SLC35B3: variants seen among roughly 807,000 people sequenced by gnomAD.
SLC35B3 encodes adenosine 3'-phospho 5'-phosphosulfate transporter 2.
SLC35B3 carries 35 observed loss-of-function variants against 44.1 expected under a neutral mutation model. The ratio of observed to expected loss-of-function variants is 0.79; its 90% confidence interval spans 0.61 to 1.05. The LOEUF (loss-of-function observed/expected upper bound fraction) is 1.05. Ranked by LOEUF, SLC35B3 falls within the 50% of genes least tolerant of loss-of-function variation. The probability of loss-of-function intolerance (pLI) is 0.00; values close to 1 mark genes in which losing one functional copy is unlikely to be tolerated. For synonymous variants in SLC35B3, 146 were observed against 167.3 expected (o/e 0.87, Z 0.98); for missense variants, 414 against 476.4 (o/e 0.87, Z 1.22).
At chr6:8,421,217 T>G (rs1034275) in intron 5 of SLC35B3, among the ~76,000 whole-genome samples, 81,574 of 151,786 alleles carry the variant, frequency 0.54, 24,139 homozygotes, top group African/African-American at 0.81. Flanking sequence ...AGTAACCAGA[T>G]TAATGAGTCT....
chr6:8,427,209 C>T (rs2113468252), intron 4 of SLC35B3, among the ~76,000 whole-genome samples: 1 of 152,254 alleles, frequency 6.6e-6, no homozygotes, highest in Middle Eastern at 3.4e-3. Context: ...AAGCTGGGTG[C>T]AGAAATTTGC....
rs570410910 is a variant in SLC35B3 at position 8,434,076 on chromosome 6, G to T, written c.3+309C>A. Among the ~76,000 whole-genome samples, 17 of 150,986 alleles carry T rather than the reference G, an allele frequency of 1.1e-4. No homozygotes were observed. Among genetic ancestry groups the T allele is most frequent in the African/African-American group, 3.6e-4 (15 of 41,124 alleles). Reference sequence around the variant, plus strand: ...TTAAAAATCACAGGTGTGTATAATTGCCTGAGGCCTCTTCCTAAATTCAAC... The same window carrying T: ...TTAAAAATCACAGGTGTGTATAATTTCCTGAGGCCTCTTCCTAAATTCAAC... On this transcript the variant is annotated intron_variant, in intron 2 of 10. Coordinates refer to ENST00000644923, the MANE Select transcript of SLC35B3 (RefSeq NM_001370476.2). The surrounding 1 kb of genome is among the most constrained non-coding windows in gnomAD (Gnocchi z 6.3).
In SLC35B3 at chr6:8,412,906, C is replaced by T. The variant is rs1200810685; in HGVS notation, c.*643G>A. On this transcript the variant is annotated 3_prime_UTR_variant, in exon 11 of 11. Transcript: ENST00000644923. Reference sequence around the variant, plus strand: ...TCACCTCTTGTTGCGTGGTCTGGTTCCTAACAGGCCACGGACTGGTACCAG... The same window carrying T: ...TCACCTCTTGTTGCGTGGTCTGGTTTCTAACAGGCCACGGACTGGTACCAG... Among the ~76,000 whole-genome samples, 5 of 152,134 alleles carry T rather than the reference C, an allele frequency of 3.3e-5. No homozygotes were observed. The East Asian group carries it at 9.6e-4, about 29-fold the overall frequency.
At position 8,429,898 on chromosome 6, in the gene SLC35B3, A is replaced by C; in HGVS notation, c.263T>G (p.Val88Gly). 1 of 1,602,966 alleles carries C rather than the reference A, an allele frequency of 6.2e-7. No individual in the cohort carries two copies. The highest frequency in any genetic ancestry group is 8.5e-7 in the Non-Finnish European group (1 of 1,173,726). ...CCCATAAATTAGGTAAAATACAAAAACTCCAGCAACACATATGAAAAACTG... is the reference window on the plus strand; with the variant it reads ...CCCATAAATTAGGTAAAATACAAAACCTCCAGCAACACATATGAAAAACTG... Residue 88 changes from valine to glycine, a missense_variant, in exon 3 of 11, where the codon GTT (valine) becomes GGT (glycine). By Grantham distance (109) the Val-to-Gly change is moderately radical. Transcript: ENST00000644923.
At chr6:8,413,759 C>G in intron 10 of SLC35B3, 60 bp from the exon 10 acceptor site, 8 of 1,122,946 alleles carry the variant, frequency 7.1e-6, no homozygotes, top group Non-Finnish European at 9.9e-6. Context: ...TTACTATTAA[C>G]CACAGAATTT....
At chr6:8,426,797 G>C (rs1024825403) in intron 4 of SLC35B3, among the ~76,000 whole-genome samples, 8 of 152,130 alleles carry the variant, frequency 5.3e-5, no homozygotes, top group Non-Finnish European at 1.2e-4. Flanking sequence ...AGTTTGGAGG[G>C]CTCAGAAGAA....
intron 3 of SLC35B3, among the ~76,000 whole-genome samples, chr6:8,428,564 GT>G (rs1342515190): frequency 2.0e-5 from 3 of 152,056 alleles, no homozygotes; most frequent in African/African-American, 7.2e-5. Context: ...AATCAAAGTG[GT>G]TAAGTTATAA....
At chr6:8,430,866 C>T (rs1355329621) in intron 2 of SLC35B3, among the ~76,000 whole-genome samples, 1 of 151,990 alleles carries the variant, frequency 6.6e-6, no homozygotes, top group African/African-American at 2.4e-5. Context: ...CCCCTGCACT[C>T]CAGCCTGGGC....
chr6:8,430,225 A>T, intron 2 of SLC35B3, 68 bp from the exon 2 acceptor site: 1 of 1,339,032 alleles, frequency 7.5e-7, no homozygotes, highest in Non-Finnish European at 1.0e-6. Context: ...AATATTCCAA[A>T]TCATACTTTA....
In SLC35B3 at chr6:8,434,450, A is replaced by G. The variant is rs1382552204; in HGVS notation, c.-43-20T>C. 2 of 1,602,986 alleles carry G rather than the reference A, an allele frequency of 1.2e-6. No individual in the cohort carries two copies. The highest frequency in any genetic ancestry group is 1.7e-6 in the Non-Finnish European group (2 of 1,173,976). On this transcript the variant is annotated intron_variant, in intron 1 of 10. Transcript: ENST00000644923. The surrounding 1 kb of genome is among the most constrained non-coding windows in gnomAD (Gnocchi z 6.3). The stretch of plus-strand genomic sequence containing the variant: ...CATGGCCTATGGTGTACGATTATAA[A>G]ACAGAAAAAACAAAGTTCCATCTCA...
In SLC35B3 at chr6:8,417,465, T is replaced by A. The variant is rs769279422; in HGVS notation, c.810A>T (p.Val270=). 1 of 1,602,192 alleles carries A rather than the reference T, an allele frequency of 6.2e-7. No individual in the cohort carries two copies. The highest frequency in any genetic ancestry group is 1.1e-5 in the South Asian group (1 of 88,952). Residue 270 remains valine, a synonymous_variant, in exon 8 of 11, where the codon GTA becomes GTT. Coordinates refer to ENST00000644923, the MANE Select transcript of SLC35B3 (RefSeq NM_001370476.2). ...TGCATGTCAATCCCAGTAAAATGTA[T>A]ACAAAACCAATTGAATACGAATACA...
At chr6:8,414,648 A>G (rs956227926) in intron 10 of SLC35B3, among the ~76,000 whole-genome samples, 20 of 152,194 alleles carry the variant, frequency 1.3e-4, no homozygotes, top group African/African-American at 4.8e-4. Flanking sequence ...TAGGCAATTT[A>G]AGTATACAAA....
rs1410106893 is a variant in SLC35B3 at position 8,434,030 on chromosome 6, T to TAA, written c.3+353_3+354dup. Among the ~76,000 whole-genome samples the TAA allele has an allele frequency of 1.5e-4, 15 of 100,520 alleles. No homozygotes were observed. The South Asian group carries it at 4.2e-3, about 28-fold the overall frequency. 65.9% of individuals were successfully genotyped at this position (100,520 alleles called of 152,430 possible). On this transcript the variant is annotated intron_variant, in intron 2 of 10. Coordinates refer to ENST00000644923, the MANE Select transcript of SLC35B3 (RefSeq NM_001370476.2). This position sits in a 1 kb window ranked among gnomAD's most constrained non-coding sequence, Gnocchi z 6.3. ...TGAAGCTCACAGTAATCAGTGAAAC[T>TAA]AAAATATATATATATATATTTTAAA... is the stretch of plus-strand genomic sequence containing the variant.
Position 8,434,294 on chromosome 6 carries a change from A to G in SLC35B3, c.3+91T>C, listed in dbSNP as rs1764272608. 6 of 1,236,224 alleles carry G rather than the reference A, an allele frequency of 4.9e-6. No individual in the cohort carries two copies. Among genetic ancestry groups the G allele is most frequent in the Non-Finnish European group, 7.0e-6 (6 of 855,358 alleles). 76.6% of individuals were successfully genotyped at this position (1,236,224 alleles called of 1,614,324 possible). ...CCACACCAAAAAAAGGTAGAATATG[A>G]AAAAAAAGTCATTACGGTGTCATTA... On this transcript the variant is annotated intron_variant, in intron 2 of 10. Coordinates refer to ENST00000644923, the MANE Select transcript of SLC35B3 (RefSeq NM_001370476.2). This position sits in a 1 kb window ranked among gnomAD's most constrained non-coding sequence, Gnocchi z 6.3.
intron 4 of SLC35B3, 82 bp from the exon 4 acceptor site, chr6:8,422,706 G>C (rs979914695): frequency 4.3e-5 from 46 of 1,064,764 alleles, no homozygotes; most frequent in Non-Finnish European, 6.1e-5. Flanking sequence ...TTGTGTAAAT[G>C]TCTAATTACT....
Position 8,414,971 on chromosome 6 carries a change from G to A in SLC35B3, c.992C>T (p.Thr331Ile). The A allele has an allele frequency of 6.2e-7, 1 of 1,603,320 alleles. No individual in the cohort carries two copies. Among genetic ancestry groups the A allele is most frequent in the Non-Finnish European group, 8.5e-7 (1 of 1,172,890 alleles). The change falls in exon 10 of 11, where the codon ACA becomes ATA. Residue 331 changes from threonine to isoleucine, a missense_variant. Physicochemically the swap from Thr to Ile is moderately conservative, Grantham distance 89. Coordinates refer to ENST00000644923, the MANE Select transcript of SLC35B3 (RefSeq NM_001370476.2). ...TACAATGGTCATTGCTTTTCTTCCTGTTGTCACTGTAGGAGCAAAAAATTA... is the reference window on the plus strand; with the variant it reads ...TACAATGGTCATTGCTTTTCTTCCTATTGTCACTGTAGGAGCAAAAAATTA...
intron 4 of SLC35B3, among the ~76,000 whole-genome samples, chr6:8,427,053 A>G (rs1763484826): frequency 6.6e-6 from 1 of 151,090 alleles, no homozygotes; most frequent in East Asian, 2.0e-4. Context: ...GGTGGAAGAA[A>G]TTTCTAAGCA....
In SLC35B3 at chr6:8,435,234, CA is replaced by C. The variant is rs760082894; in HGVS notation, c.-44+108del. The C allele has an allele frequency of 7.0e-6, 9 of 1,289,338 alleles. No homozygotes were observed. Among genetic ancestry groups the C allele is most frequent in the Non-Finnish European group, 9.1e-6 (9 of 988,862 alleles). The allele number at this position is 1,289,338 out of a possible 1,614,324, so 79.9% of individuals were successfully genotyped here. ...CCGTTTCTTCCATCCCGACCTCATC[CA>C]TTCCTCGAACGCTCCTTCTGGATGA... On this transcript the variant is annotated intron_variant, in intron 1 of 10. Coordinates refer to ENST00000644923, the MANE Select transcript of SLC35B3 (RefSeq NM_001370476.2). This position sits in a 1 kb window ranked among gnomAD's most constrained non-coding sequence, Gnocchi z 5.5.
chr6:8,435,361 C>A lies in SLC35B3; in HGVS notation c.-62G>T, dbSNP rs1764394031. The A allele has an allele frequency of 1.6e-6, 2 of 1,289,102 alleles. No homozygotes were observed. The highest frequency in any genetic ancestry group is 2.0e-6 in the Non-Finnish European group (2 of 988,850). The allele number at this position is 1,289,102 out of a possible 1,614,324, so 79.9% of individuals were successfully genotyped here. ...CGCGTACCCCAAGGCCGGTATGTCA[C>A]CCGGAAGGGTGACGGCAGCCTGCGT... On this transcript the variant is annotated 5_prime_UTR_variant, in exon 1 of 11. Transcript: ENST00000644923. This position sits in a 1 kb window ranked among gnomAD's most constrained non-coding sequence, Gnocchi z 5.5.
Sources: allele counts gnomAD v4.1 joint callset (sites outside exome capture counted in the v4.1 genomes callset), GRCh38; gene constraint gnomAD v4.1.1; non-coding constraint Gnocchi (gnomAD v3.1); transcripts MANE v1.5; gene names NCBI Gene and HGNC (gene_info 2026-07-23, HGNC 2026-07-21).